Variants in DGKI observed in about 807,000 individuals in gnomAD.
The protein encoded by DGKI is diacylglycerol kinase iota, also known as DAG kinase iota.
Under a neutral mutation model 147.5 loss-of-function variants are expected in DGKI, and 55 were observed. The ratio of observed to expected loss-of-function variants is 0.37; its 90% CI spans 0.30 to 0.47. The LOEUF is 0.47. Ranked by LOEUF, DGKI falls within the 20% of genes least tolerant of loss-of-function variation. The pLI is 1.00. For missense variants in DGKI, 1,007 were observed against 1,323.8 expected (o/e 0.76, Z 3.71); for synonymous variants, 469 against 477.1 (o/e 0.98, Z 0.22).
At chr7:137,643,285 CG>C (rs1821708326) in intron 6 of DGKI, among the ~76,000 whole-genome samples, 1 of 104,912 alleles carries the variant, frequency 9.5e-6, no homozygotes, top group Non-Finnish European at 1.9e-5. Flanking sequence ...AGCGAGACTC[CG>C]TCTCAAAAAA....
intron 1 of DGKI, among the ~76,000 whole-genome samples, chr7:137,755,796 C>CA (rs534193620): frequency 0.011 from 1,585 of 148,356 alleles, 27 homozygotes; most frequent in African/African-American, 0.037. Flanking sequence ...ACTGCAATTG[C>CA]AAAAAAAAAT....
intron 6 of DGKI, among the ~76,000 whole-genome samples, chr7:137,636,152 T>C (rs1821305808): frequency 6.6e-6 from 1 of 152,172 alleles, no homozygotes; most frequent in African/African-American, 2.4e-5. Context: ...TGTAATGCTA[T>C]GAACAATTTT....
chr7:137,474,419 G>T (rs1023080772), intron 23 of DGKI, among the ~76,000 whole-genome samples: 2 of 152,066 alleles, frequency 1.3e-5, no homozygotes, highest in South Asian at 4.1e-4. Flanking sequence ...GGTAAAACAA[G>T]AAACAAGAAA....
chr7:137,678,376 C>T (rs1466095263), intron 3 of DGKI, among the ~76,000 whole-genome samples, 181 bp downstream of exon 3: 1 of 152,164 alleles, frequency 6.6e-6, no homozygotes, highest in African/African-American at 2.4e-5. Context: ...CCATTACGAG[C>T]GACAACCTGA....
At chr7:137,812,048 A>G (rs1188187453) in intron 1 of DGKI, among the ~76,000 whole-genome samples, 2 of 152,206 alleles carry the variant, frequency 1.3e-5, no homozygotes, top group Non-Finnish European at 2.9e-5. Context: ...ACTTTGGGGA[A>G]GTTGCGTAGC....
chr7:137,785,134 A>T (rs1463762035), intron 1 of DGKI, among the ~76,000 whole-genome samples: 1 of 152,024 alleles, frequency 6.6e-6, no homozygotes, highest in East Asian at 1.9e-4. Flanking sequence ...AGCAGAACTA[A>T]ATGAAACTGA....
At chr7:137,806,457 A>G (rs1797366467) in intron 1 of DGKI, among the ~76,000 whole-genome samples, 1 of 151,984 alleles carries the variant, frequency 6.6e-6, no homozygotes, top group Non-Finnish European at 1.5e-5. Context: ...TTTCTGAGAC[A>G]GAGTCTTGCT....
chr7:137,771,098 TA>T (rs1047994038), intron 1 of DGKI, among the ~76,000 whole-genome samples: 13 of 152,200 alleles, frequency 8.5e-5, no homozygotes, highest in African/African-American at 2.7e-4. Flanking sequence ...TATTTTTATT[TA>T]TTTTTTTTGA....
chr7:137,636,142 T>C (rs371742763), intron 6 of DGKI, among the ~76,000 whole-genome samples: 1 of 152,316 alleles, frequency 6.6e-6, no homozygotes, highest in East Asian at 1.9e-4. Context: ...GGACAGGCTT[T>C]GTAATGCTAT....
rs749173653 is a variant in DGKI, at chr7:137,486,605, A to T, written c.2328+1005T>A. Reference sequence around the variant, plus strand: ...AAAATTTGTTGACCATCTTTCTCTCATCCACATCAGTATTCAATATTTGTC... The same window carrying T: ...AAAATTTGTTGACCATCTTTCTCTCTTCCACATCAGTATTCAATATTTGTC... On this transcript the variant is annotated intron_variant, in intron 22 of 32. Coordinates refer to ENST00000614521, the MANE Select transcript of DGKI (RefSeq NM_001321708.2). Among the ~76,000 whole-genome samples the T allele has an allele frequency of 5.3e-5, 8 of 152,098 alleles. No homozygotes were observed. The South Asian group carries it at 6.2e-4, about 12-fold the overall frequency.
intron 6 of DGKI, among the ~76,000 whole-genome samples, chr7:137,644,609 G>C (rs1821763382): frequency 6.6e-6 from 1 of 152,172 alleles, no homozygotes; most frequent in South Asian, 2.1e-4. Context: ...TAAACAAACA[G>C]AGGAATAATT....
chr7:137,687,897 G>C (rs1317657144), intron 2 of DGKI, among the ~76,000 whole-genome samples: 1 of 152,122 alleles, frequency 6.6e-6, no homozygotes, highest in Non-Finnish European at 1.5e-5. Flanking sequence ...GGGGAGAAGA[G>C]GGAGGGATAA....
At chr7:137,560,684 A>T (rs1388710587) in intron 19 of DGKI, among the ~76,000 whole-genome samples, 1 of 152,186 alleles carries the variant, frequency 6.6e-6, no homozygotes, top group Admixed American at 6.5e-5. Context: ...TTATAAAGAA[A>T]AATTAGGGTC....
At chr7:137,558,032 C>A (rs1465455363) in intron 19 of DGKI, among the ~76,000 whole-genome samples, 1 of 152,158 alleles carries the variant, frequency 6.6e-6, no homozygotes, top group African/African-American at 2.4e-5. Flanking sequence ...CATAACTAGC[C>A]TCCTGTACTA....
intron 1 of DGKI, among the ~76,000 whole-genome samples, chr7:137,815,192 C>A (rs556234079): frequency 6.6e-6 from 1 of 152,124 alleles, no homozygotes; most frequent in Non-Finnish European, 1.5e-5. Flanking sequence ...ATTCATCCCC[C>A]CTCCTTCGTC....
At chr7:137,825,337 G>A (rs924188970) in intron 1 of DGKI, among the ~76,000 whole-genome samples, 3 of 152,072 alleles carry the variant, frequency 2.0e-5, no homozygotes, top group Non-Finnish European at 4.4e-5. Flanking sequence ...ATTACCCTAA[G>A]AAGTTTGTAA....
At chr7:137,428,593 G>T (rs1235934227) in intron 28 of DGKI, among the ~76,000 whole-genome samples, 1 of 152,132 alleles carries the variant, frequency 6.6e-6, no homozygotes, top group Admixed American at 6.5e-5. Context: ...ATTCAATTAG[G>T]AAAAGAGGAA....
At position 137,572,950 on chromosome 7, in the gene DGKI, A is replaced by T; in HGVS notation, c.1762-112T>A. ...ACCATGGTCTCTTTCTCCTTGCCCT[A>T]TCTCTGCTTAAGTGAATGCCGGTCA... is the stretch of plus-strand genomic sequence containing the variant. On this transcript the variant is annotated intron_variant, in intron 17 of 32. Transcript: ENST00000614521. The T allele has an allele frequency of 1.3e-5, 9 of 705,484 alleles. No homozygotes were observed. The South Asian group carries it at 1.9e-4, about 15-fold the overall frequency. The allele number at this position is 705,484 out of a possible 1,614,324, so 43.7% of individuals were successfully genotyped here.
chr7:137,647,052 A>G (rs1585324905), intron 5 of DGKI, among the ~76,000 whole-genome samples: 1 of 152,202 alleles, frequency 6.6e-6, no homozygotes, highest in Non-Finnish European at 1.5e-5. Flanking sequence ...CACTTTTCCT[A>G]CTACCACAGT....
Sources: gnomAD v4.1 joint callset for allele counts (sites outside exome capture counted in the v4.1 genomes callset) on GRCh38, gnomAD v4.1.1 for gene constraint, MANE v1.5 for transcripts, NCBI Gene and HGNC (gene_info 2026-07-23, HGNC 2026-07-21) for gene names.